Variants in CDKL2 observed in about 807,000 individuals in gnomAD.
The protein encoded by CDKL2 is cyclin dependent kinase like 2.
In CDKL2, 64 loss-of-function variants were observed where a neutral mutation model predicts 63.9. The ratio of observed to expected loss-of-function variants is 1.00; its 90% CI spans 0.82 to 1.23. CDKL2 has a LOEUF of 1.23. Ranked by LOEUF, CDKL2 falls within the 50% of genes most tolerant of loss-of-function variation. The pLI, the probability that CDKL2 is intolerant of heterozygous loss-of-function variation, is 0.00. For missense variants in CDKL2, 656 were observed against 668.0 expected (o/e 0.98, Z 0.20); for synonymous variants, 211 against 229.2 (o/e 0.92, Z 0.72).
chr4:75,592,786 A>G (rs59448225), intron 10 of CDKL2, among the ~76,000 whole-genome samples: 21,657 of 152,160 alleles, frequency 0.14, 2,006 homozygotes, highest in African/African-American at 0.26. Context: ...ATATAATACT[A>G]TCTTCCCAGG....
At chr4:75,587,772 C>T (rs1397070734) in intron 12 of CDKL2, among the ~76,000 whole-genome samples, 7 of 150,806 alleles carry the variant, frequency 4.6e-5, no homozygotes, top group African/African-American at 7.3e-5. Flanking sequence ...GGCATAGTGG[C>T]GGGCGCCTGT....
At chr4:75,626,148 C>T in intron 1 of CDKL2, 131 bp from the exon 2 acceptor site, 1 of 619,232 alleles carries the variant, frequency 1.6e-6, no homozygotes, top group East Asian at 2.8e-5. Flanking sequence ...TATTAATTCA[C>T]AATTTCCTAG....
rs1036799184 is a variant in CDKL2, at chr4:75,600,317, T to C, written c.848A>G (p.His283Arg). ...DKRPFCAELL[H>R]HDFFQMDGFA... Reference sequence around the variant, plus strand: ...TCCATCCATTTGAAAGAAATCATGGTGTAGGAGCTCAGCACAGAAGGGTCT... The same window carrying C: ...TCCATCCATTTGAAAGAAATCATGGCGTAGGAGCTCAGCACAGAAGGGTCT... Residue 283 changes from histidine (H) to arginine (R), a missense_variant, in exon 7 of 14, where the codon CAC becomes CGC. Physicochemically the swap from His to Arg is conservative, Grantham distance 29. Coordinates refer to ENST00000307465, the MANE Select transcript of CDKL2 (RefSeq NM_001330724.2). 1.2e-5 allele frequency: 19 copies of C among 1,613,710 alleles called. No homozygotes were observed. The highest frequency in any genetic ancestry group is 3.3e-4 in the Middle Eastern group (2 of 6,060).
chr4:75,623,423 T>C (rs1417295342), intron 2 of CDKL2, among the ~76,000 whole-genome samples: 1 of 152,176 alleles, frequency 6.6e-6, no homozygotes, highest in Non-Finnish European at 1.5e-5. Context: ...GGGAAAAAGA[T>C]GGTATTTTCA....
At chr4:75,608,231 T>C (rs1226626815) in intron 3 of CDKL2, among the ~76,000 whole-genome samples, 1 of 149,310 alleles carries the variant, frequency 6.7e-6, no homozygotes, top group Non-Finnish European at 1.5e-5. Flanking sequence ...TTCAAGCGAT[T>C]CTACTGTCTC....
At chr4:75,597,981 C>T in intron 8 of CDKL2, 96 bp downstream of exon 8, 1 of 712,378 alleles carries the variant, frequency 1.4e-6, no homozygotes, top group South Asian at 2.1e-5. Context: ...ACAATTTGCT[C>T]ACTGCTCAGA....
chr4:75,592,810 A>G (rs562882602), intron 10 of CDKL2, among the ~76,000 whole-genome samples: 1 of 152,356 alleles, frequency 6.6e-6, no homozygotes, highest in South Asian at 2.1e-4. Context: ...ACAATTTATT[A>G]AGACACAGAA....
Position 75,607,298 on chromosome 4 carries a change from A to G in CDKL2, c.427T>C (p.Cys143Arg), listed in dbSNP as rs747937469. ...LVSQSGVVKL[C>R]DFGFARTLAA... is the part of the protein sequence containing the mutation. The stretch of plus-strand genomic sequence containing the variant: ...AATGTTCGCGCAAATCCAAAATCGC[A>G]TAGCTTGACAACGCCAGACTGGGAG... Residue 143 changes from cysteine to arginine, a missense_variant, in exon 4 of 14, where the codon TGC becomes CGC. Cys to Arg is a radical substitution (Grantham distance 180). Transcript: ENST00000307465. 5 of 1,614,140 alleles carry G rather than the reference A, an allele frequency of 3.1e-6. No individual in the cohort carries two copies. In the East Asian group the frequency reaches 8.9e-5, roughly 29 times the overall value.
chr4:75,614,950 T>TATAGTATATATATATATGTATATTC (rs1560590504), intron 2 of CDKL2, among the ~76,000 whole-genome samples: 173 of 148,264 alleles, frequency 1.2e-3, no homozygotes, highest in African/African-American at 1.6e-3. Context: ...TATTCATATA[T>TATAGTATATATATATATGTATATTC]ATATATACAC....
chr4:75,581,953 TC>T, intron 12 of CDKL2, 55 bp from the exon 13 acceptor site: 1 of 1,160,620 alleles, frequency 8.6e-7, no homozygotes, highest in Non-Finnish European at 1.3e-6. Flanking sequence ...AAGTTCCACT[TC>T]CCCAAAATTT....
chr4:75,597,333 A>G (rs1259569738), intron 8 of CDKL2, 97 bp from the exon 9 acceptor site: 8 of 734,474 alleles, frequency 1.1e-5, no homozygotes, highest in African/African-American at 1.8e-5. Context: ...GCAGAATATC[A>G]TAAGTATCAC....
intron 10 of CDKL2, among the ~76,000 whole-genome samples, chr4:75,595,192 G>A (rs543747919): frequency 2.6e-4 from 37 of 143,908 alleles, no homozygotes; most frequent in Non-Finnish European, 4.4e-4. Context: ...AAATAGAATC[G>A]TTTCTTTCTT....
At chr4:75,585,978 T>A (rs565667057) in intron 12 of CDKL2, among the ~76,000 whole-genome samples, 1 of 152,230 alleles carries the variant, frequency 6.6e-6, no homozygotes, top group East Asian at 1.9e-4. Context: ...AGAATATACA[T>A]TTTTTCAAGG....
chr4:75,581,298 A>G (rs564362306), intron 13 of CDKL2, among the ~76,000 whole-genome samples: 15 of 152,226 alleles, frequency 9.9e-5, no homozygotes, highest in Non-Finnish European at 1.6e-4. Flanking sequence ...TATTCAGTAC[A>G]GTAACATGCT....
intron 3 of CDKL2, 117 bp downstream of exon 3, chr4:75,614,138 A>T: frequency 1.7e-6 from 1 of 600,234 alleles, no homozygotes; most frequent in Non-Finnish European, 2.9e-6. Context: ...TGAAGTATTT[A>T]GTGTTAAAGT....
chr4:75,620,823 G>C (rs1293909812), intron 2 of CDKL2, among the ~76,000 whole-genome samples: 7 of 152,120 alleles, frequency 4.6e-5, no homozygotes, highest in Non-Finnish European at 8.8e-5. Context: ...CTTTCATTTG[G>C]GTTAGCCCTA....
Position 75,605,804 on chromosome 4 carries a change from CA to C in CDKL2, c.543-171del, listed in dbSNP as rs376195956. Among the ~76,000 whole-genome samples, 789 of 113,706 alleles carry C rather than the reference CA, an allele frequency of 6.9e-3. 3 individuals are homozygous for C. Among genetic ancestry groups the C allele is most frequent in the South Asian group, 0.035 (126 of 3,634 alleles). 74.6% of individuals were successfully genotyped at this position (113,706 alleles called of 152,430 possible). ...GGTATAATGCAAATATCCCAAAATC[CA>C]AAAAAAAAAAAAAACCCATCTGAAA... On this transcript the variant is annotated intron_variant, in intron 4 of 13. Coordinates refer to ENST00000307465, the MANE Select transcript of CDKL2 (RefSeq NM_001330724.2).
rs924997377 is a variant in CDKL2 at position 75,578,119 on chromosome 4, C to A, written c.*1083G>T. On this transcript the variant is annotated 3_prime_UTR_variant, in exon 14 of 14. Transcript: ENST00000307465. ...TGTAGCCAACTTAGTTTATTCCTCC[C>A]ACCTAAAAAGTTTTGGATCCATGCA... 6.6e-6 allele frequency: 1 copy of A among 152,156 alleles called. No homozygotes were observed. The highest frequency in any genetic ancestry group is 1.5e-5 in the Non-Finnish European group (1 of 68,030). The allele number at this position is 152,156 out of a possible 1,614,324, so 9.4% of individuals were successfully genotyped here.
intron 12 of CDKL2, among the ~76,000 whole-genome samples, chr4:75,586,444 A>G (rs1728487299): frequency 6.6e-6 from 1 of 151,976 alleles, no homozygotes; most frequent in Non-Finnish European, 1.5e-5. Context: ...GCTAGCCAGT[A>G]AGGTCTCGAT....
Sources: gnomAD v4.1 joint callset for allele counts (sites outside exome capture counted in the v4.1 genomes callset) on GRCh38, gnomAD v4.1.1 for gene constraint, MANE v1.5 for transcripts, NCBI Gene and HGNC (gene_info 2026-07-23, HGNC 2026-07-21) for gene names.